DOCK1: variants seen among roughly 807,000 people sequenced by gnomAD.
The protein encoded by DOCK1 is dedicator of cytokinesis 1.
A neutral mutation model predicts 262.7 loss-of-function variants in DOCK1; 138 were observed. That is an observed-to-expected ratio of 0.53 (90% CI 0.46 to 0.61). The LOEUF is 0.61. Among genes scored for constraint, DOCK1 ranks in the 20% least tolerant of loss-of-function variants. The pLI, the probability that DOCK1 is intolerant of heterozygous loss-of-function variation, is 0.00. For missense variants in DOCK1, 1,908 were observed against 2,370.7 expected, an observed-to-expected ratio of 0.80 and a Z score of 4.05; for synonymous variants, 866 against 867.4, an observed-to-expected ratio of 1.00 and a Z score of 0.03.
rs2058764656 is a variant in DOCK1, at chr10:127,229,560, G to A, written c.2848-18448G>A. On this transcript the variant is annotated intron_variant, in intron 27 of 51. Transcript: ENST00000623213. ...TCCATCTATGTTGTTCCAAATGATGGTATTTCCACCTTTTTTAAGGCTGAA... is the reference window on the plus strand; with the variant it reads ...TCCATCTATGTTGTTCCAAATGATGATATTTCCACCTTTTTTAAGGCTGAA... 5.9e-5 allele frequency among the ~76,000 whole-genome samples: 9 copies of A among 152,166 alleles called. No individual in the cohort carries two copies. In the South Asian group the frequency reaches 1.9e-3, roughly 32 times the overall value.
intron 29 of DOCK1, among the ~76,000 whole-genome samples, chr10:127,279,026 A>T (rs2060847583): frequency 6.6e-6 from 1 of 152,202 alleles, no homozygotes; most frequent in African/African-American, 2.4e-5. Context: ...GAAATACTTG[A>T]TTTGGTTAAT....
At chr10:127,039,123 C>T (rs984739708) in intron 19 of DOCK1, among the ~76,000 whole-genome samples, 43 of 152,264 alleles carry the variant, frequency 2.8e-4, no homozygotes, top group African/African-American at 9.4e-4. Flanking sequence ...TTAATTTGGT[C>T]GCACCAGTTT....
chr10:127,068,136 C>T (rs1432822729), intron 23 of DOCK1, among the ~76,000 whole-genome samples: 1 of 152,126 alleles, frequency 6.6e-6, no homozygotes, highest in Non-Finnish European at 1.5e-5. Flanking sequence ...CCAAGAGGCA[C>T]ATTTTTTGAT....
chr10:126,989,097 T>C (rs2039617654), intron 5 of DOCK1, among the ~76,000 whole-genome samples: 2 of 152,028 alleles, frequency 1.3e-5, no homozygotes, highest in South Asian at 4.2e-4. Flanking sequence ...AATGCATTTT[T>C]TTGCTGCACA....
At chr10:127,192,499 G>C (rs1409241458) in intron 27 of DOCK1, 1 of 152,174 alleles carries the variant, frequency 6.6e-6, no homozygotes, top group Admixed American at 6.6e-5. Flanking sequence ...TTTGTCATCT[G>C]ATAACATCTT....
intron 38 of DOCK1, among the ~76,000 whole-genome samples, chr10:127,397,779 G>A (rs1009319079): frequency 6.9e-6 from 1 of 144,980 alleles, no homozygotes; most frequent in Non-Finnish European, 1.5e-5. Context: ...GTATGACACG[G>A]GCAGTGACTC....
intron 23 of DOCK1, among the ~76,000 whole-genome samples, chr10:127,080,381 C>T (rs1333006277): frequency 6.6e-6 from 1 of 152,094 alleles, no homozygotes; most frequent in Non-Finnish European, 1.5e-5. Context: ...ATTTATCATT[C>T]TTCAGACTTT....
chr10:127,314,282 G>A (rs1414666813), intron 29 of DOCK1, among the ~76,000 whole-genome samples: 1 of 152,168 alleles, frequency 6.6e-6, no homozygotes, highest in Non-Finnish European at 1.5e-5. Context: ...GTGTTTATAA[G>A]TATGATTTGA....
intron 27 of DOCK1, among the ~76,000 whole-genome samples, chr10:127,200,336 T>G (rs1003167331): frequency 6.6e-6 from 1 of 152,222 alleles, no homozygotes; most frequent in Non-Finnish European, 1.5e-5. Context: ...TATGGGGAGC[T>G]CTGCTCTGCT....
intron 23 of DOCK1, among the ~76,000 whole-genome samples, chr10:127,069,270 C>G (rs2046066684): frequency 6.6e-6 from 1 of 152,182 alleles, no homozygotes; most frequent in South Asian, 2.1e-4. Flanking sequence ...ACTTCCCTCT[C>G]TCAGAAGCCA....
At chr10:127,034,696 G>A (rs2043473079) in intron 18 of DOCK1, among the ~76,000 whole-genome samples, 1 of 152,190 alleles carries the variant, frequency 6.6e-6, no homozygotes, top group Non-Finnish European at 1.5e-5. Flanking sequence ...GTGTTGCAGT[G>A]CTCATGGTGC....
At chr10:127,154,141 GT>G (rs2052792395) in intron 27 of DOCK1, among the ~76,000 whole-genome samples, 1 of 152,120 alleles carries the variant, frequency 6.6e-6, no homozygotes, top group Non-Finnish European at 1.5e-5. Context: ...AAATTTAGAA[GT>G]GAACATAAGC....
In DOCK1 at chr10:127,017,278, C is replaced by CACAG. The variant is rs1554973959; in HGVS notation, c.1202-1429_1202-1428insGACA. 6.1e-3 allele frequency among the ~76,000 whole-genome samples: 918 copies of CACAG among 151,010 alleles called. 8 individuals are homozygous for CACAG. The highest frequency in any genetic ancestry group is 0.021 in the African/African-American group (878 of 41,002). On this transcript the variant is annotated intron_variant, in intron 12 of 51. Transcript: ENST00000623213. ...TTCCACTCAGATATACATATAGACACACACAGACACACACATGGGTATAGA... is the reference window on the plus strand; with the variant it reads ...TTCCACTCAGATATACATATAGACACACAGACACAGACACACACATGGGTATAGA...
intron 38 of DOCK1, among the ~76,000 whole-genome samples, chr10:127,392,724 A>G (rs2066557037): frequency 6.6e-6 from 1 of 152,128 alleles, no homozygotes; most frequent in South Asian, 2.1e-4. Context: ...GGGAGAGCGA[A>G]AGGCCATGCC....
At chr10:127,342,911 A>C (rs1172119127) in intron 30 of DOCK1, among the ~76,000 whole-genome samples, 1 of 152,206 alleles carries the variant, frequency 6.6e-6, no homozygotes, top group Non-Finnish European at 1.5e-5. Context: ...ATGGAAATCT[A>C]TACTATTCTT....
Position 127,276,041 on chromosome 10 carries a change from T to C in DOCK1, c.3044+18612T>C, listed in dbSNP as rs535070908. ...AAGTAGAAGAGTCTAAAACGATAGA[T>C]TGCTTTAAATAACTCATGCTAAATC... On this transcript the variant is annotated intron_variant, in intron 29 of 51. Coordinates refer to ENST00000623213, the MANE Select transcript of DOCK1 (RefSeq NM_001290223.2). Among the ~76,000 whole-genome samples, 5 of 152,336 alleles carry C rather than the reference T, an allele frequency of 3.3e-5. No homozygotes were observed. The South Asian group carries it at 1.0e-3, about 32-fold the overall frequency.
At position 126,963,640 on chromosome 10, in the gene DOCK1, CTCCTTCCT is replaced by C. The variant is rs1229446126; in HGVS notation, c.47-7037_47-7030del. On this transcript the variant is annotated intron_variant, in intron 1 of 51. Transcript: ENST00000623213. ...CTTCCCTTCCCTTCCCTTCCCTTCCCTCCTTCCTTCCTTCCTTCCTTCCTTCCTTCCTC... is the reference window on the plus strand; with the variant it reads ...CTTCCCTTCCCTTCCCTTCCCTTCCCTCCTTCCTTCCTTCCTTCCTTCCTC... Among the ~76,000 whole-genome samples the C allele has an allele frequency of 7.7e-5, 5 of 65,098 alleles. 1 individual carries two copies. Among genetic ancestry groups the C allele is most frequent in the Admixed American group, 3.8e-4 (2 of 5,208 alleles). 42.7% of individuals were successfully genotyped at this position (65,098 alleles called of 152,430 possible).
chr10:127,384,276 C>G (rs2065983409), intron 37 of DOCK1, among the ~76,000 whole-genome samples: 1 of 152,210 alleles, frequency 6.6e-6, no homozygotes, highest in Admixed American at 6.5e-5. Context: ...GAATACTGGC[C>G]AAACCCTGAC....
At chr10:127,413,138 C>T (rs1023418751) in intron 43 of DOCK1, among the ~76,000 whole-genome samples, 1 of 152,178 alleles carries the variant, frequency 6.6e-6, no homozygotes, top group Admixed American at 6.5e-5. Context: ...TTGAATTTCC[C>T]TCACACCTCT....
Sources: allele counts gnomAD v4.1 joint callset (sites outside exome capture counted in the v4.1 genomes callset), GRCh38; gene constraint gnomAD v4.1.1; transcripts MANE v1.5; gene names NCBI Gene and HGNC (gene_info 2026-07-23, HGNC 2026-07-21).